Variants in LRATD2 observed in about 807,000 individuals in gnomAD.
The protein encoded by LRATD2 is protein LRATD2.
A neutral mutation model predicts 12.0 loss-of-function variants in LRATD2; 10 were observed. That is an observed-to-expected ratio of 0.83 (90% CI 0.51 to 1.41). The LOEUF (loss-of-function observed/expected upper bound fraction) is 1.41, where lower values mean the gene tolerates loss of function less well. Ranked by LOEUF, LRATD2 falls within the 40% of genes most tolerant of loss-of-function variation. The pLI is 0.00. For missense variants in LRATD2, 455 were observed against 446.1 expected (o/e 1.02, Z -0.18); for synonymous variants, 220 against 205.8 (o/e 1.07, Z -0.59).
In LRATD2 at chr8:126,557,595, G is replaced by GT; in HGVS notation, c.-96-111_-96-110insA. On this transcript the variant is annotated intron_variant, in intron 1 of 1. Transcript: ENST00000304916. The surrounding 1 kb of genome is among the most constrained non-coding windows in gnomAD (Gnocchi z 5.3). ...TCAGCACCTGGAGCCATTTTAGGGG[G>GT]AAGTCTCGGGTGTAGCGAGCTTTCC... The GT allele has an allele frequency of 1.7e-6, 1 of 596,820 alleles. No individual in the cohort carries two copies. The highest frequency in any genetic ancestry group is 3.3e-5 in the Admixed American group (1 of 30,090). 37.0% of individuals were successfully genotyped at this position (596,820 alleles called of 1,614,324 possible).
Position 126,556,445 on chromosome 8 carries a change from T to C in LRATD2, c.*12A>G, listed in dbSNP as rs1817393738. 6.5e-7 allele frequency: 1 copy of C among 1,549,680 alleles called. No individual in the cohort carries two copies. The highest frequency in any genetic ancestry group is 2.4e-5 in the East Asian group (1 of 42,334). On this transcript the variant is annotated 3_prime_UTR_variant, in exon 2 of 2. Transcript: ENST00000304916. This position sits in a 1 kb window ranked among gnomAD's most constrained non-coding sequence, Gnocchi z 5.6. ...ACAGTTCCCCTTCGCAGCTCTGCGC[T>C]CAGCTCGCCCATCAGTGTGCCACTG...
chr8:126,558,364 C>G lies in LRATD2; in HGVS notation c.-427G>C, dbSNP rs547911817. On this transcript the variant is annotated 5_prime_UTR_variant, in exon 1 of 2. Transcript: ENST00000304916. ...CGGCAGCCTCGCAGCCTGGCGGCAA[C>G]AGCTCCCGCTTGGGCCGGGCGAGCA... 1 of 152,248 alleles carries G rather than the reference C, an allele frequency of 6.6e-6. No individual in the cohort carries two copies. 9.4% of individuals were successfully genotyped at this position (152,248 alleles called of 1,614,324 possible). A position where few individuals can be genotyped will look rare whatever the true frequency, so the allele number is the denominator to read the frequency against.
Position 126,554,957 on chromosome 8 carries a change from G to T in LRATD2, c.*1500C>A, listed in dbSNP as rs1287091139. ...ACATATCATTGAAGATGTCACAGGAGTTTAAGAGACAGGCTGGAAAAAATC... is the reference window on the plus strand; with the variant it reads ...ACATATCATTGAAGATGTCACAGGATTTTAAGAGACAGGCTGGAAAAAATC... On this transcript the variant is annotated 3_prime_UTR_variant, in exon 2 of 2. Coordinates refer to ENST00000304916, the MANE Select transcript of LRATD2 (RefSeq NM_174911.5). The T allele has an allele frequency of 6.6e-6, 1 of 152,172 alleles. No individual in the cohort carries two copies. Among genetic ancestry groups the T allele is most frequent in the East Asian group, 1.9e-4 (1 of 5,190 alleles). The allele number at this position is 152,172 out of a possible 1,614,324, so 9.4% of individuals were successfully genotyped here.
chr8:126,556,764 C>T lies in LRATD2; in HGVS notation c.626G>A (p.Arg209His). 6.3e-7 allele frequency: 1 copy of T among 1,596,672 alleles called. No individual in the cohort carries two copies. Among genetic ancestry groups the T allele is most frequent in the Non-Finnish European group, 8.5e-7 (1 of 1,172,534 alleles). The change falls in exon 2 of 2, where the codon CGC becomes CAC. Residue 209 changes from arginine to histidine, a missense_variant. Coordinates refer to ENST00000304916, the MANE Select transcript of LRATD2 (RefSeq NM_174911.5). This position sits in a 1 kb window ranked among gnomAD's most constrained non-coding sequence, Gnocchi z 5.6. ...RNSESFAAWCRYGKREFKIGG... is the reference protein window; with the variant it reads ...RNSESFAAWCHYGKREFKIGG... ...GATCTTGAACTCGCGCTTGCCGTAG[C>T]GGCACCAGGCGGCGAAACTCTCCGA... is the stretch of plus-strand genomic sequence containing the variant.
At position 126,557,405 on chromosome 8, in the gene LRATD2, C is replaced by T. The variant is rs781596213; in HGVS notation, c.-16G>A. The T allele has an allele frequency of 6.8e-6, 11 of 1,608,220 alleles. No homozygotes were observed. The highest frequency in any genetic ancestry group is 8.5e-6 in the Non-Finnish European group (10 of 1,178,710). On this transcript the variant is annotated 5_prime_UTR_variant, in exon 2 of 2. The change creates a new upstream start codon in the 5' untranslated region. Transcript: ENST00000304916. The surrounding 1 kb of genome is among the most constrained non-coding windows in gnomAD (Gnocchi z 5.3). ...GGTTGCCCATCACGCTGCGGACACACGTTCACACCGCCGCAAGGGGAGAAA... is the reference window on the plus strand; with the variant it reads ...GGTTGCCCATCACGCTGCGGACACATGTTCACACCGCCGCAAGGGGAGAAA...
rs1817300211 is a variant in LRATD2, at chr8:126,552,472, G to A, written c.*3985C>T. The stretch of plus-strand genomic sequence containing the variant: ...CTCTAATAGATGGTTTATTGGAAAC[G>A]CTCATAGCATCTTTTGAAAAGAACT... On this transcript the variant is annotated 3_prime_UTR_variant, in exon 2 of 2. Transcript: ENST00000304916. 1.3e-5 allele frequency: 2 copies of A among 152,556 alleles called. No homozygotes were observed. Among genetic ancestry groups the A allele is most frequent in the African/African-American group, 4.8e-5 (2 of 41,394 alleles). 9.5% of individuals were successfully genotyped at this position (152,556 alleles called of 1,614,324 possible).
At position 126,556,152 on chromosome 8, in the gene LRATD2, A is replaced by C; in HGVS notation, c.*305T>G. The C allele has an allele frequency of 2.4e-6, 1 of 413,276 alleles. No homozygotes were observed. The highest frequency in any genetic ancestry group is 5.4e-5 in the South Asian group (1 of 18,690). The allele number at this position is 413,276 out of a possible 1,614,324, so 25.6% of individuals were successfully genotyped here. Reference sequence around the variant, plus strand: ...TAAGAATGGCCGATTATAAACCCAGATCTACCAAGGTTTAAGTGCCAGGCA... The same window carrying C: ...TAAGAATGGCCGATTATAAACCCAGCTCTACCAAGGTTTAAGTGCCAGGCA... On this transcript the variant is annotated 3_prime_UTR_variant, in exon 2 of 2. Coordinates refer to ENST00000304916, the MANE Select transcript of LRATD2 (RefSeq NM_174911.5). This position sits in a 1 kb window ranked among gnomAD's most constrained non-coding sequence, Gnocchi z 5.6.
At position 126,554,627 on chromosome 8, in the gene LRATD2, G is replaced by T. The variant is rs1330646897; in HGVS notation, c.*1830C>A. 3 of 152,210 alleles carry T rather than the reference G, an allele frequency of 2.0e-5. No individual in the cohort carries two copies. The highest frequency in any genetic ancestry group is 4.4e-5 in the Non-Finnish European group (3 of 68,044). 9.4% of individuals were successfully genotyped at this position (152,210 alleles called of 1,614,324 possible). A position where few individuals can be genotyped will look rare whatever the true frequency, so the allele number is the denominator to read the frequency against. On this transcript the variant is annotated 3_prime_UTR_variant, in exon 2 of 2. Transcript: ENST00000304916. ...CCTTTCATGTTGAGGTGCTACAAAG[G>T]TCCAAGCTTTTAAAGACTATGGCCT...
rs922270626 is a variant in LRATD2 at position 126,556,245 on chromosome 8, C to G, written c.*212G>C. ...GGCCAGAGGGAGACGCCCCCCACCCCCAACTAAAGTGTTTCCTACCTGCTC... is the reference window on the plus strand; with the variant it reads ...GGCCAGAGGGAGACGCCCCCCACCCGCAACTAAAGTGTTTCCTACCTGCTC... On this transcript the variant is annotated 3_prime_UTR_variant, in exon 2 of 2. Transcript: ENST00000304916. This position sits in a 1 kb window ranked among gnomAD's most constrained non-coding sequence, Gnocchi z 5.6. 5 of 559,630 alleles carry G rather than the reference C, an allele frequency of 8.9e-6. No homozygotes were observed. Among genetic ancestry groups the G allele is most frequent in the African/African-American group, 6.0e-5 (3 of 49,978 alleles). 34.7% of individuals were successfully genotyped at this position (559,630 alleles called of 1,614,324 possible).
At position 126,556,500 on chromosome 8, in the gene LRATD2, G is replaced by T; in HGVS notation, c.890C>A (p.Ala297Glu). Residue 297 changes from alanine (A) to glutamate (E), a missense_variant, in exon 2 of 2, where the codon GCG becomes GAG. Coordinates refer to ENST00000304916, the MANE Select transcript of LRATD2 (RefSeq NM_174911.5). This position sits in a 1 kb window ranked among gnomAD's most constrained non-coding sequence, Gnocchi z 5.6. Reference protein sequence around the residue: ...RTTPPPGRPPAPSSEEEDGEA... With the variant: ...RTTPPPGRPPEPSSEEEDGEA... ...TCCGTCCTCCTCCTCGGAGCTGGGC[G>T]CAGGGGGGCGCCCGGGAGGCGGCGT... 2 of 1,589,944 alleles carry T rather than the reference G, an allele frequency of 1.3e-6. No individual in the cohort carries two copies. The highest frequency in any genetic ancestry group is 1.7e-6 in the Non-Finnish European group (2 of 1,170,224).
In LRATD2 at chr8:126,556,503, G is replaced by A. The variant is rs1290276089; in HGVS notation, c.887C>T (p.Pro296Leu). The change falls in exon 2 of 2, where the codon CCT becomes CTT. Residue 296 changes from proline (P) to leucine (L), a missense_variant. By Grantham distance (98) the Pro-to-Leu change is moderately conservative. Transcript: ENST00000304916. The surrounding 1 kb of genome is among the most constrained non-coding windows in gnomAD (Gnocchi z 5.6). Reference protein sequence around the residue: ...ARTTPPPGRPPAPSSEEEDGE... With the variant: ...ARTTPPPGRPLAPSSEEEDGE... The stretch of plus-strand genomic sequence containing the variant: ...GTCCTCCTCCTCGGAGCTGGGCGCA[G>A]GGGGGCGCCCGGGAGGCGGCGTAGT... 2 of 1,592,242 alleles carry A rather than the reference G, an allele frequency of 1.3e-6. No individual in the cohort carries two copies. The highest frequency in any genetic ancestry group is 1.7e-6 in the Non-Finnish European group (2 of 1,171,012).
rs2130476326 is a variant in LRATD2, at chr8:126,554,259, A to C, written c.*2198T>G. On this transcript the variant is annotated 3_prime_UTR_variant, in exon 2 of 2. Transcript: ENST00000304916. Reference sequence around the variant, plus strand: ...TAACTTCAGGTGATCTACCTGCCTCAGCCTCCCAAAGTGCTGGGATTACAG... The same window carrying C: ...TAACTTCAGGTGATCTACCTGCCTCCGCCTCCCAAAGTGCTGGGATTACAG... 6.6e-6 allele frequency: 1 copy of C among 152,444 alleles called. No homozygotes were observed. The highest frequency in any genetic ancestry group is 1.5e-5 in the Non-Finnish European group (1 of 68,124). The allele number at this position is 152,444 out of a possible 1,614,324, so 9.4% of individuals were successfully genotyped here.
In LRATD2 at chr8:126,557,050, T is replaced by C; in HGVS notation, c.340A>G (p.Asn114Asp). 5 of 1,607,946 alleles carry C rather than the reference T, an allele frequency of 3.1e-6. No individual in the cohort carries two copies. The highest frequency in any genetic ancestry group is 2.5e-6 in the Non-Finnish European group (3 of 1,179,972). Residue 114 changes from asparagine to aspartate, a missense_variant, in exon 2 of 2, where the codon AAC becomes GAC. Asn to Asp is a conservative substitution (Grantham distance 23). Transcript: ENST00000304916. This position sits in a 1 kb window ranked among gnomAD's most constrained non-coding sequence, Gnocchi z 5.3. ...LSTYTPENLL[N>D]KCKPGDLVEF... ...ACCAGATCGCCCGGCTTGCACTTGT[T>C]GAGCAGGTTCTCGGGCGTGTAGGTA... is the stretch of plus-strand genomic sequence containing the variant.
rs1817388456 is a variant in LRATD2 at position 126,556,255 on chromosome 8, T to G, written c.*202A>C. 2 of 574,610 alleles carry G rather than the reference T, an allele frequency of 3.5e-6. No individual in the cohort carries two copies. Among genetic ancestry groups the G allele is most frequent in the Admixed American group, 3.9e-5 (1 of 25,396 alleles). 35.6% of individuals were successfully genotyped at this position (574,610 alleles called of 1,614,324 possible). Reference sequence around the variant, plus strand: ...AGACGCCCCCCACCCCCAACTAAAGTGTTTCCTACCTGCTCCCTCTGTCCC... The same window carrying G: ...AGACGCCCCCCACCCCCAACTAAAGGGTTTCCTACCTGCTCCCTCTGTCCC... On this transcript the variant is annotated 3_prime_UTR_variant, in exon 2 of 2. Coordinates refer to ENST00000304916, the MANE Select transcript of LRATD2 (RefSeq NM_174911.5). This position sits in a 1 kb window ranked among gnomAD's most constrained non-coding sequence, Gnocchi z 5.6.
At position 126,557,202 on chromosome 8, in the gene LRATD2, C is replaced by T. The variant is rs751053306; in HGVS notation, c.188G>A (p.Gly63Glu). ...GPDGGGLPDGGDGPPPPQPQP... is the reference protein window; with the variant it reads ...GPDGGGLPDGEDGPPPPQPQP... ...CGGCTGGGGCGGCGGCGGCCCGTCCCCACCGTCGGGCAAGCCGCCGCCATC... is the reference window on the plus strand; with the variant it reads ...CGGCTGGGGCGGCGGCGGCCCGTCCTCACCGTCGGGCAAGCCGCCGCCATC... The change falls in exon 2 of 2, where the codon GGG becomes GAG. Residue 63 changes from glycine (G) to glutamate (E), a missense_variant. By Grantham distance (98) the Gly-to-Glu change is moderately conservative. Coordinates refer to ENST00000304916, the MANE Select transcript of LRATD2 (RefSeq NM_174911.5). This position sits in a 1 kb window ranked among gnomAD's most constrained non-coding sequence, Gnocchi z 5.3. 2 of 1,601,268 alleles carry T rather than the reference C, an allele frequency of 1.2e-6. No individual in the cohort carries two copies. Among genetic ancestry groups the T allele is most frequent in the Admixed American group, 3.5e-5 (2 of 57,960 alleles).
Position 126,557,012 on chromosome 8 carries a change from C to T in LRATD2, c.378G>A (p.Ser126=). The part of the protein sequence containing the change: ...CKPGDLVEFV[S]QAQYPHWAVY... Reference sequence around the variant, plus strand: ...CGGCCCAGTGCGGGTACTGAGCCTGCGACACGAACTCCACCAGATCGCCCG... The same window carrying T: ...CGGCCCAGTGCGGGTACTGAGCCTGTGACACGAACTCCACCAGATCGCCCG... Residue 126 remains serine (S), a synonymous_variant, in exon 2 of 2, where the codon TCG becomes TCA. Coordinates refer to ENST00000304916, the MANE Select transcript of LRATD2 (RefSeq NM_174911.5). This position sits in a 1 kb window ranked among gnomAD's most constrained non-coding sequence, Gnocchi z 5.3. 1 of 1,606,884 alleles carries T rather than the reference C, an allele frequency of 6.2e-7. No homozygotes were observed. The highest frequency in any genetic ancestry group is 8.5e-7 in the Non-Finnish European group (1 of 1,179,972).
At position 126,557,555 on chromosome 8, in the gene LRATD2, A is replaced by G; in HGVS notation, c.-96-70T>C. On this transcript the variant is annotated intron_variant, in intron 1 of 1. Coordinates refer to ENST00000304916, the MANE Select transcript of LRATD2 (RefSeq NM_174911.5). This position sits in a 1 kb window ranked among gnomAD's most constrained non-coding sequence, Gnocchi z 5.3. The stretch of plus-strand genomic sequence containing the variant: ...TGAAAAGGGCGTTTTGTTCCGAAAA[A>G]GAATCGGTGGGGGCTCAGCACCTGG... 1.3e-6 allele frequency: 1 copy of G among 743,438 alleles called. No homozygotes were observed. Among genetic ancestry groups the G allele is most frequent in the South Asian group, 1.9e-5 (1 of 51,912 alleles). 46.1% of individuals were successfully genotyped at this position (743,438 alleles called of 1,614,324 possible).
Position 126,557,321 on chromosome 8 carries a change from G to A in LRATD2, c.69C>T (p.Gly23=), listed in dbSNP as rs1288240825. ...YKEVPTADPT[G]VDRDDGPRIG... ...TGCGGGGCCCGTCGTCCCGGTCCAC[G>A]CCAGTCGGGTCGGCCGTGGGAACTT... The change falls in exon 2 of 2, where the codon GGC becomes GGT. Residue 23 remains glycine, a synonymous_variant. Transcript: ENST00000304916. The surrounding 1 kb of genome is among the most constrained non-coding windows in gnomAD (Gnocchi z 5.3). The A allele has an allele frequency of 6.2e-7, 1 of 1,613,860 alleles. No individual in the cohort carries two copies. The highest frequency in any genetic ancestry group is 1.1e-5 in the South Asian group (1 of 91,062).
rs756624733 is a variant in LRATD2, at chr8:126,556,532, C to T, written c.858G>A (p.Ala286=). Residue 286 remains alanine (A), a synonymous_variant, in exon 2 of 2, where the codon GCG becomes GCA. Coordinates refer to ENST00000304916, the MANE Select transcript of LRATD2 (RefSeq NM_174911.5). This position sits in a 1 kb window ranked among gnomAD's most constrained non-coding sequence, Gnocchi z 5.6. The part of the protein sequence containing the change: ...AEPEEGDSNV[A]RTTPPPGRPP... The stretch of plus-strand genomic sequence containing the variant: ...GGCGCCCGGGAGGCGGCGTAGTCCG[C>T]GCCACGTTGCTGTCGCCCTCCTCCG... The T allele has an allele frequency of 9.4e-6, 15 of 1,600,796 alleles. No individual in the cohort carries two copies. The highest frequency in any genetic ancestry group is 1.0e-5 in the Non-Finnish European group (12 of 1,174,870).
Sources: allele counts gnomAD v4.1 joint callset, GRCh38; gene constraint gnomAD v4.1.1; non-coding constraint Gnocchi (gnomAD v3.1); transcripts MANE v1.5; gene names NCBI Gene and HGNC (gene_info 2026-07-23, HGNC 2026-07-21).